KCNK9: variants seen among roughly 807,000 people sequenced by gnomAD.
The protein encoded by KCNK9 is potassium two pore domain channel subfamily K member 9, also known as potassium channel subfamily K member 9.
A neutral mutation model predicts 10.8 loss-of-function variants in KCNK9; 1 was observed. The ratio of observed to expected loss-of-function variants is 0.09; its 90% CI spans 0.03 to 0.44. KCNK9 has a LOEUF of 0.44. Among genes scored for constraint, KCNK9 ranks in the 20% least tolerant of loss-of-function variants. The pLI is 0.97. For synonymous variants in KCNK9, 231 were observed against 222.7 expected (o/e 1.04, Z -0.33); for missense variants, 303 against 515.0 (o/e 0.59, Z 3.98).
At chr8:139,644,984 G>C (rs1447276035) in intron 1 of KCNK9, among the ~76,000 whole-genome samples, 1 of 152,220 alleles carries the variant, frequency 6.6e-6, no homozygotes, top group African/African-American at 2.4e-5. Context: ...CAAGCCCCCA[G>C]GAGGTTAGCA....
chr8:139,627,708 C>T (rs890355066), intron 1 of KCNK9, among the ~76,000 whole-genome samples: 1 of 152,250 alleles, frequency 6.6e-6, no homozygotes, highest in African/African-American at 2.4e-5. Context: ...GAGTATACAT[C>T]CTAATACCCT....
intron 1 of KCNK9, among the ~76,000 whole-genome samples, chr8:139,700,919 A>G (rs1249607739): frequency 6.6e-6 from 1 of 152,210 alleles, no homozygotes; most frequent in African/African-American, 2.4e-5. Context: ...TCTCGGGATC[A>G]GCCAAGCATT....
intron 1 of KCNK9, among the ~76,000 whole-genome samples, chr8:139,630,592 A>G (rs1264889146): frequency 6.6e-6 from 1 of 152,222 alleles, no homozygotes; most frequent in Non-Finnish European, 1.5e-5. Context: ...TGCCAATGGA[A>G]GGCCCGCGGA....
chr8:139,603,627 T>C (rs1204675290), intron 2 of KCNK9, among the ~76,000 whole-genome samples: 2 of 152,200 alleles, frequency 1.3e-5, no homozygotes, highest in Non-Finnish European at 1.5e-5. Context: ...ACTGTCCACC[T>C]TGCTCTCTGC....
chr8:139,666,697 A>C (rs1816309880), intron 1 of KCNK9, among the ~76,000 whole-genome samples: 1 of 152,268 alleles, frequency 6.6e-6, no homozygotes, highest in African/African-American at 2.4e-5. Flanking sequence ...TGAACGGAGA[A>C]GGTGCTTGGC....
intron 1 of KCNK9, among the ~76,000 whole-genome samples, chr8:139,646,801 G>T (rs1463061016): frequency 6.6e-6 from 1 of 152,166 alleles, no homozygotes; most frequent in Non-Finnish European, 1.5e-5. Context: ...TCCTACAAAT[G>T]GATTCAAAAT....
At chr8:139,654,456 C>T (rs896443885) in intron 1 of KCNK9, among the ~76,000 whole-genome samples, 4 of 152,184 alleles carry the variant, frequency 2.6e-5, no homozygotes, top group Admixed American at 1.3e-4. Context: ...TCTGACCCAT[C>T]CCCACCCCCT....
intron 1 of KCNK9, among the ~76,000 whole-genome samples, chr8:139,682,779 G>T (rs1437303782): frequency 6.6e-6 from 1 of 152,200 alleles, no homozygotes; most frequent in Admixed American, 6.5e-5. Context: ...CTTGGAGAAG[G>T]CCGAGTAGGT....
At chr8:139,698,349 C>A (rs1280123984) in intron 1 of KCNK9, among the ~76,000 whole-genome samples, 1 of 152,136 alleles carries the variant, frequency 6.6e-6, no homozygotes, top group Non-Finnish European at 1.5e-5. Flanking sequence ...TTGTGCTGGC[C>A]CTGCAGGTGC....
chr8:139,620,503 G>A (rs531452040), intron 1 of KCNK9, among the ~76,000 whole-genome samples: 3 of 152,174 alleles, frequency 2.0e-5, no homozygotes, highest in African/African-American at 7.2e-5. Flanking sequence ...CAGACCCCAG[G>A]ATCCTCTGCC....
chr8:139,612,003 C>T, downstream of KCNK9: 1 of 152,320 alleles, frequency 6.6e-6, no homozygotes, highest in Non-Finnish European at 1.5e-5. Flanking sequence ...AGGTTTGCTC[C>T]CTGGTGCGGT....
chr8:139,620,460 G>T lies in KCNK9; in HGVS notation c.284-1361C>A, dbSNP rs150554492. Among the ~76,000 whole-genome samples the T allele has an allele frequency of 1.7e-3, 258 of 152,148 alleles. 3 individuals carry two copies. Among genetic ancestry groups the T allele is most frequent in the African/African-American group, 5.9e-3 (245 of 41,506 alleles). Reference sequence around the variant, plus strand: ...GGATCCGCCGAGATCAGACAGCTCCGAGCCAAGAGTCTGATACACAGTAGG... The same window carrying T: ...GGATCCGCCGAGATCAGACAGCTCCTAGCCAAGAGTCTGATACACAGTAGG... On this transcript the variant is annotated intron_variant, in intron 1 of 1. Coordinates refer to ENST00000520439, the MANE Select transcript of KCNK9 (RefSeq NM_001282534.2).
intron 1 of KCNK9, among the ~76,000 whole-genome samples, chr8:139,687,413 T>C (rs1382924025): frequency 7.1e-6 from 1 of 140,996 alleles, no homozygotes; most frequent in African/African-American, 2.7e-5. Flanking sequence ...TATATATTCA[T>C]ATATGTGTAT....
At chr8:139,694,769 TC>T (rs1817012752) in intron 1 of KCNK9, among the ~76,000 whole-genome samples, 1 of 143,432 alleles carries the variant, frequency 7.0e-6, no homozygotes, top group African/African-American at 2.6e-5. Flanking sequence ...TACTGGTTCC[TC>T]CCAGGGCTCA....
intron 1 of KCNK9, among the ~76,000 whole-genome samples, chr8:139,656,171 C>T (rs945505850): frequency 1.3e-5 from 2 of 152,122 alleles, no homozygotes; most frequent in Non-Finnish European, 2.9e-5. Context: ...GGTAAATATA[C>T]CCCACCTAGT....
chr8:139,629,263 G>C (rs1040644415), intron 1 of KCNK9, among the ~76,000 whole-genome samples: 2 of 152,326 alleles, frequency 1.3e-5, no homozygotes, highest in East Asian at 3.9e-4. Context: ...AGATGCATGC[G>C]GGGGCGCCCC....
At chr8:139,641,295 C>A (rs1033277592) in intron 1 of KCNK9, among the ~76,000 whole-genome samples, 3 of 152,190 alleles carry the variant, frequency 2.0e-5, no homozygotes, top group Non-Finnish European at 4.4e-5. Flanking sequence ...CCGCATGGGG[C>A]TGCTGTCTGT....
intron 1 of KCNK9, among the ~76,000 whole-genome samples, chr8:139,678,951 T>G (rs7005563): frequency 0.041 from 6,225 of 152,350 alleles, 439 homozygotes; most frequent in African/African-American, 0.14. Flanking sequence ...TGCAGAGGCT[T>G]GGGCCTGCCC....
downstream of KCNK9, among the ~76,000 whole-genome samples, chr8:139,608,692 C>T (rs570453391): frequency 2.6e-5 from 4 of 152,168 alleles, no homozygotes; most frequent in African/African-American, 9.7e-5. Context: ...GTACTGCACG[C>T]CGTACCCAGC....
Sources: allele counts gnomAD v4.1 joint callset (sites outside exome capture counted in the v4.1 genomes callset), GRCh38; gene constraint gnomAD v4.1.1; transcripts MANE v1.5; gene names NCBI Gene and HGNC (gene_info 2026-07-23, HGNC 2026-07-21).